The following NLGN1 variants were observed in gnomAD, a reference collection of about 807,000 sequenced individuals.
The protein encoded by NLGN1 is neuroligin-1.
NLGN1 carries 12 observed loss-of-function variants against 65.5 expected under a neutral mutation model. The observed-to-expected ratio is 0.18, with a 90% CI of 0.12 to 0.30. The LOEUF is 0.30. NLGN1 is among the 10% of genes least tolerant of loss of function. The pLI, the probability that NLGN1 is intolerant of heterozygous loss-of-function variation, is 1.00. For missense variants in NLGN1, 750 were observed against 1,007.1 expected, an observed-to-expected ratio of 0.74 and a Z score of 3.46; for synonymous variants, 350 against 359.5, an observed-to-expected ratio of 0.97 and a Z score of 0.30.
At chr3:173,434,666 C>A (rs1057308870) in intron 1 of NLGN1, among the ~76,000 whole-genome samples, 2 of 152,094 alleles carry the variant, frequency 1.3e-5, no homozygotes, top group African/African-American at 4.8e-5. Context: ...ATGTTCCTGT[C>A]CTTTCTGAGG....
At chr3:174,115,498 T>C (rs1361468198) in intron 4 of NLGN1, among the ~76,000 whole-genome samples, 1 of 152,194 alleles carries the variant, frequency 6.6e-6, no homozygotes, top group Non-Finnish European at 1.5e-5. Flanking sequence ...GTTACACAGA[T>C]ATATAAAACC....
intron 1 of NLGN1, among the ~76,000 whole-genome samples, chr3:173,420,280 T>A (rs557476471): frequency 2.0e-4 from 31 of 152,032 alleles, no homozygotes; most frequent in African/African-American, 7.2e-4. Context: ...CCTGTGTCCA[T>A]GTGTTCTCAT....
intron 5 of NLGN1, among the ~76,000 whole-genome samples, chr3:174,277,413 T>C (rs1750785853): frequency 6.6e-6 from 1 of 151,974 alleles, no homozygotes; most frequent in Admixed American, 6.6e-5. Flanking sequence ...TTAGGACATA[T>C]TGGACATGAT....
At chr3:173,918,885 G>A (rs1741359263) in intron 4 of NLGN1, among the ~76,000 whole-genome samples, 1 of 151,916 alleles carries the variant, frequency 6.6e-6, no homozygotes, top group African/African-American at 2.4e-5. Context: ...ACATTTGGTG[G>A]CTCTAGTAGA....
At chr3:173,919,737 G>C (rs1002871764) in intron 4 of NLGN1, among the ~76,000 whole-genome samples, 6 of 151,972 alleles carry the variant, frequency 3.9e-5, no homozygotes, top group Non-Finnish European at 8.8e-5. Context: ...TTTTACTCAT[G>C]TTTTTATCTT....
intron 3 of NLGN1, among the ~76,000 whole-genome samples, chr3:173,719,524 C>A (rs937176621): frequency 2.0e-5 from 3 of 152,142 alleles, no homozygotes; most frequent in African/African-American, 7.2e-5. Flanking sequence ...AGGGGACTTA[C>A]ATCACAATTA....
intron 2 of NLGN1, among the ~76,000 whole-genome samples, chr3:173,577,662 T>C (rs1283286242): frequency 3.3e-5 from 5 of 152,234 alleles, no homozygotes. Flanking sequence ...TGTCATTCTG[T>C]TTAACTAAAT....
intron 4 of NLGN1, among the ~76,000 whole-genome samples, chr3:174,078,469 T>C (rs1039668797): frequency 6.6e-6 from 1 of 152,182 alleles, no homozygotes; most frequent in Non-Finnish European, 1.5e-5. Context: ...ATATGTTGTC[T>C]TAATTTTGTT....
intron 2 of NLGN1, among the ~76,000 whole-genome samples, chr3:173,542,751 T>C (rs1425842848): frequency 1.3e-5 from 2 of 152,228 alleles, no homozygotes; most frequent in South Asian, 2.1e-4. Context: ...AACTCTGGTA[T>C]TGTTTATATA....
At chr3:174,077,770 G>A (rs991164322) in intron 4 of NLGN1, among the ~76,000 whole-genome samples, 1 of 152,028 alleles carries the variant, frequency 6.6e-6, no homozygotes, top group African/African-American at 2.4e-5. Flanking sequence ...TGGTCAGGCT[G>A]GTCTCGAACT....
chr3:174,292,687 G>A, the NLGN1 span, among the ~76,000 whole-genome samples: 1 of 151,544 alleles, frequency 6.6e-6, no homozygotes, highest in South Asian at 2.1e-4. Context: ...AGTTATTTCA[G>A]CTAATAAAAG....
chr3:173,520,306 C>G (rs1463797154), intron 2 of NLGN1, among the ~76,000 whole-genome samples: 1 of 152,158 alleles, frequency 6.6e-6, no homozygotes, highest in Non-Finnish European at 1.5e-5. Flanking sequence ...CTGCTGGATT[C>G]TATTTGTACT....
At chr3:174,108,620 T>C (rs1297882706) in intron 4 of NLGN1, among the ~76,000 whole-genome samples, 1 of 152,106 alleles carries the variant, frequency 6.6e-6, no homozygotes, top group South Asian at 2.1e-4. Context: ...TGGAGATTTA[T>C]AGCCAAGGAA....
At chr3:173,807,898 T>G in intron 4 of NLGN1, 66 bp downstream of exon 4, 1 of 1,515,584 alleles carries the variant, frequency 6.6e-7, no homozygotes, top group Non-Finnish European at 9.1e-7. Flanking sequence ...TTGTTTTGAC[T>G]TGTTTTGTTC....
chr3:174,146,976 C>T (rs556684109), intron 4 of NLGN1, among the ~76,000 whole-genome samples: 1 of 152,194 alleles, frequency 6.6e-6, no homozygotes, highest in East Asian at 1.9e-4. Flanking sequence ...AAGAAAATTC[C>T]GTTCATAAAA....
intron 4 of NLGN1, among the ~76,000 whole-genome samples, chr3:173,971,023 T>C (rs1478043129): frequency 3.3e-5 from 5 of 152,060 alleles, no homozygotes; most frequent in African/African-American, 1.2e-4. Context: ...AGCAATGTTG[T>C]ATGGAAAGAT....
chr3:174,001,820 C>T (rs929614536), intron 4 of NLGN1, among the ~76,000 whole-genome samples: 5 of 152,058 alleles, frequency 3.3e-5, no homozygotes, highest in African/African-American at 1.2e-4. Context: ...TGTAATTTTG[C>T]TTGTTAGGGG....
At chr3:173,687,086 A>G (rs950856157) in intron 3 of NLGN1, among the ~76,000 whole-genome samples, 1 of 152,188 alleles carries the variant, frequency 6.6e-6, no homozygotes, top group African/African-American at 2.4e-5. Context: ...AGTAGTCTGC[A>G]TGTTGGGTTT....
chr3:173,479,613 G>A (rs1726898476), intron 2 of NLGN1, among the ~76,000 whole-genome samples: 1 of 152,106 alleles, frequency 6.6e-6, no homozygotes, highest in African/African-American at 2.4e-5. Context: ...CAACCCAGAG[G>A]AGTTCTGTGC....
Sources: allele counts gnomAD v4.1 joint callset (sites outside exome capture counted in the v4.1 genomes callset), GRCh38; gene constraint gnomAD v4.1.1; transcripts MANE v1.5; gene names NCBI Gene and HGNC (gene_info 2026-07-23, HGNC 2026-07-21).